ADAP1: variants seen among roughly 807,000 people sequenced by gnomAD.
ADAP1 encodes ArfGAP with dual PH domains 1, also known as arf-GAP with dual PH domain-containing protein 1.
In ADAP1, 31 loss-of-function variants were observed where a neutral mutation model predicts 54.9. The observed-to-expected ratio is 0.56, with a 90% CI of 0.42 to 0.76. The LOEUF (loss-of-function observed/expected upper bound fraction) is 0.76, where lower values mean the gene tolerates loss of function less well. Among genes scored for constraint, ADAP1 ranks in the 30% least tolerant of loss-of-function variants. The pLI, the probability that ADAP1 is intolerant of heterozygous loss-of-function variation, is 0.00. For missense variants in ADAP1, 535 were observed against 512.4 expected, an observed-to-expected ratio of 1.04 and a Z score of -0.42; for synonymous variants, 313 against 202.6, an observed-to-expected ratio of 1.55 and a Z score of -4.63.
At chr7:913,801 G>A (rs112748034) in intron 4 of ADAP1, among the ~76,000 whole-genome samples, 1 of 152,122 alleles carries the variant, frequency 6.6e-6, no homozygotes, top group Non-Finnish European at 1.5e-5. Flanking sequence ...CGGGCGTGGT[G>A]GGGGGCGCCT....
In ADAP1 at chr7:905,054, A is replaced by AC. The variant is rs1845038551; in HGVS notation, c.501+5dup. The AC allele has an allele frequency of 6.2e-7, 1 of 1,609,144 alleles. No homozygotes were observed. Among genetic ancestry groups the AC allele is most frequent in the African/African-American group, 1.3e-5 (1 of 74,906 alleles). On this transcript the variant is annotated splice_donor_region_variant and intron_variant, in intron 5 of 10. Transcript: ENST00000265846. ...GGCCCCCACCCCACCCCCGTCTGTG[A>AC]CTCACATCATTTCTGTTGAAATACT...
In ADAP1 at chr7:898,757, G is replaced by T. The variant is rs972375160; in HGVS notation, c.*164C>A. The T allele has an allele frequency of 3.4e-6, 3 of 875,690 alleles. No individual in the cohort carries two copies. Among genetic ancestry groups the T allele is most frequent in the Non-Finnish European group, 5.3e-6 (3 of 566,726 alleles). The allele number at this position is 875,690 out of a possible 1,614,324, so 54.2% of individuals were successfully genotyped here. On this transcript the variant is annotated 3_prime_UTR_variant, in exon 11 of 11. Coordinates refer to ENST00000265846, the MANE Select transcript of ADAP1 (RefSeq NM_006869.4). Reference sequence around the variant, plus strand: ...GGGCTGCCTGCCTTGAGGTTCCAGAGAAGCATCCTGGAAGCTGAAGCTCGG... The same window carrying T: ...GGGCTGCCTGCCTTGAGGTTCCAGATAAGCATCCTGGAAGCTGAAGCTCGG...
intron 4 of ADAP1, 100 bp from the exon 5 acceptor site, chr7:905,272 C>A (rs1285435398): frequency 6.3e-6 from 2 of 318,772 alleles, no homozygotes; most frequent in Non-Finnish European, 1.0e-5. Flanking sequence ...GGAGAAGACA[C>A]GGGGGACACG....
intron 4 of ADAP1, among the ~76,000 whole-genome samples, chr7:911,785 G>A (rs1286966290): frequency 7.8e-6 from 1 of 129,030 alleles, no homozygotes; most frequent in East Asian, 2.3e-4. Flanking sequence ...GGGGGCGGGG[G>A]TCCCACGGAG....
At chr7:941,059 C>G (rs1188408890) in intron 1 of ADAP1, among the ~76,000 whole-genome samples, 2 of 150,740 alleles carry the variant, frequency 1.3e-5, no homozygotes, top group African/African-American at 2.4e-5. Context: ...AGGGGAATTT[C>G]CCCAATTTGA....
intron 4 of ADAP1, chr7:905,525 A>G (rs1302013249): frequency 2.4e-5 from 1 of 41,376 alleles, no homozygotes; most frequent in Non-Finnish European, 4.8e-5. Flanking sequence ...GGGAGAAGGG[A>G]GAAGGGAGAA....
intron 7 of ADAP1, 47 bp downstream of exon 7, chr7:900,486 C>CCCCCCCCCCCCTCTG: frequency 7.2e-7 from 1 of 1,396,558 alleles, no homozygotes; most frequent in Non-Finnish European, 1.0e-6. Context: ...ACCCCCCACC[C>CCCCCCCCCCCCTCTG]CACCACCCCT....
In ADAP1 at chr7:900,093, C is replaced by A. The variant is rs1844714330; in HGVS notation, c.795+9G>T. On this transcript the variant is annotated intron_variant, in intron 8 of 10. Coordinates refer to ENST00000265846, the MANE Select transcript of ADAP1 (RefSeq NM_006869.4). Reference sequence around the variant, plus strand: ...AGGCCACCCCAGGCCGCACGTGCGGCACACCCACCTTGGGCCCCGTCTTCT... The same window carrying A: ...AGGCCACCCCAGGCCGCACGTGCGGAACACCCACCTTGGGCCCCGTCTTCT... 1 of 1,612,918 alleles carries A rather than the reference C, an allele frequency of 6.2e-7. No homozygotes were observed. The highest frequency in any genetic ancestry group is 8.5e-7 in the Non-Finnish European group (1 of 1,179,876).
At position 938,031 on chromosome 7, in the gene ADAP1, CTCAG is replaced by C. The variant is rs1454318036; in HGVS notation, c.83-2530_83-2527del. On this transcript the variant is annotated intron_variant, in intron 1 of 10. Transcript: ENST00000265846. The surrounding 1 kb of genome is among the most constrained non-coding windows in gnomAD (Gnocchi z 4.4). Reference sequence around the variant, plus strand: ...GAGACCACAGGCTTTCTCCTCACCCCTCAGTCAGTCAAACATTTGCCCAAGTGAC... The same window carrying C: ...GAGACCACAGGCTTTCTCCTCACCCCTCAGTCAAACATTTGCCCAAGTGAC... Among the ~76,000 whole-genome samples the C allele has an allele frequency of 1.3e-5, 2 of 152,220 alleles. No individual in the cohort carries two copies. Among genetic ancestry groups the C allele is most frequent in the East Asian group, 3.8e-4 (2 of 5,198 alleles).
chr7:943,275 A>T (rs1325246988), intron 1 of ADAP1, among the ~76,000 whole-genome samples: 2 of 20,102 alleles, frequency 9.9e-5, no homozygotes, highest in African/African-American at 4.0e-4. Flanking sequence ...AGGAAGGGAG[A>T]GAGGAGGAGG....
At chr7:902,397 G>A (rs1248480089) in intron 6 of ADAP1, among the ~76,000 whole-genome samples, 3 of 107,174 alleles carry the variant, frequency 2.8e-5, no homozygotes, top group Admixed American at 1.1e-4. Context: ...GGCAAAGGTT[G>A]CAGTGAGCCG....
chr7:935,558 G>T (rs1846726606), intron 1 of ADAP1, 53 bp from the exon 2 acceptor site: 1 of 1,544,910 alleles, frequency 6.5e-7, no homozygotes, highest in African/African-American at 1.4e-5. Flanking sequence ...ACCCCGGAGG[G>T]AGGGTGGACG....
At chr7:941,708 C>T (rs1211998840) in intron 1 of ADAP1, among the ~76,000 whole-genome samples, 2 of 152,162 alleles carry the variant, frequency 1.3e-5, no homozygotes, top group African/African-American at 4.8e-5. Flanking sequence ...ACATTAATAA[C>T]ACATATATTC....
rs1846860355 is a variant in ADAP1 at position 938,964 on chromosome 7, TC to T, written c.83-3460del. 6.6e-6 allele frequency among the ~76,000 whole-genome samples: 1 copy of T among 152,160 alleles called. No individual in the cohort carries two copies. Among genetic ancestry groups the T allele is most frequent in the Non-Finnish European group, 1.5e-5 (1 of 68,032 alleles). ...CCCACCTCCAACCTCACTCGGGTGC[TC>T]CGGGACAGGCTGTCCCTCTCCTGGC... On this transcript the variant is annotated intron_variant, in intron 1 of 10. Coordinates refer to ENST00000265846, the MANE Select transcript of ADAP1 (RefSeq NM_006869.4). This position sits in a 1 kb window ranked among gnomAD's most constrained non-coding sequence, Gnocchi z 4.4.
At position 929,116 on chromosome 7, in the gene ADAP1, A is replaced by G. The variant is rs868612055; in HGVS notation, c.214-2472T>C. Among the ~76,000 whole-genome samples, 66 of 151,922 alleles carry G rather than the reference A, an allele frequency of 4.3e-4. 1 individual carries two copies. The highest frequency in any genetic ancestry group is 1.5e-3 in the African/African-American group (61 of 41,434). ...AGACCAGCCTGGGCAACACGGTGAG[A>G]CCCCGTCTCTACTGAAAATACAAAA... On this transcript the variant is annotated intron_variant, in intron 2 of 10. Transcript: ENST00000265846.
intron 1 of ADAP1, among the ~76,000 whole-genome samples, chr7:948,983 CCA>C (rs1847205682): frequency 6.6e-6 from 1 of 152,248 alleles, no homozygotes; most frequent in Non-Finnish European, 1.5e-5. Context: ...GCGTGAGCCA[CCA>C]TGCCCGGCCC....
chr7:905,310 G>GGGGGAGGGGAC (rs1429717769), intron 4 of ADAP1, 138 bp from the exon 5 acceptor site: 1 of 333,064 alleles, frequency 3.0e-6, no homozygotes, highest in East Asian at 5.6e-5. Context: ...GGGGGAGACG[G>GGGGGAGGGGAC]ACGGGGAGAG....
At chr7:905,446 AGG>A (rs376731040) in intron 4 of ADAP1, 5 of 68,308 alleles carry the variant, frequency 7.3e-5, no homozygotes, top group South Asian at 1.4e-4. Flanking sequence ...AAAGGGAGAA[AGG>A]GAGAAAGGGA....
At chr7:947,881 C>T (rs980060555) in intron 1 of ADAP1, among the ~76,000 whole-genome samples, 2 of 152,076 alleles carry the variant, frequency 1.3e-5, no homozygotes, top group African/African-American at 4.8e-5. Context: ...CGTGGCCCCA[C>T]AGCCACCTCT....
Sources: gnomAD v4.1 joint callset for allele counts (sites outside exome capture counted in the v4.1 genomes callset) on GRCh38, gnomAD v4.1.1 for gene constraint, Gnocchi (gnomAD v3.1) non-coding constraint, MANE v1.5 for transcripts, NCBI Gene and HGNC (gene_info 2026-07-23, HGNC 2026-07-21) for gene names.